The following KCNN2 variants were observed in gnomAD, a reference collection of about 807,000 sequenced individuals.
KCNN2 encodes the protein potassium calcium-activated channel subfamily N member 2, also known as small conductance calcium-activated potassium channel protein 2.
A neutral mutation model predicts 55.5 loss-of-function variants in KCNN2; 24 were observed. The ratio of observed to expected loss-of-function variants is 0.43; its 90% CI spans 0.31 to 0.61. The LOEUF (loss-of-function observed/expected upper bound fraction) is 0.61, where lower values mean the gene tolerates loss of function less well. Ranked by LOEUF, KCNN2 falls within the 20% of genes least tolerant of loss-of-function variation. KCNN2 has a pLI of 0.08. For synonymous variants in KCNN2, 431 were observed against 336.1 expected (o/e 1.28, Z -3.09); for missense variants, 754 against 853.6 (o/e 0.88, Z 1.45).
intron 2 of KCNN2, among the ~76,000 whole-genome samples, chr5:114,252,427 A>C (rs1467821177): frequency 6.6e-6 from 1 of 152,138 alleles, no homozygotes; most frequent in Admixed American, 6.5e-5. Flanking sequence ...GGGAGAGGGA[A>C]TACCTACCAC....
At chr5:114,146,166 G>A (rs1752394416) in intron 1 of KCNN2, among the ~76,000 whole-genome samples, 1 of 152,084 alleles carries the variant, frequency 6.6e-6, no homozygotes, top group African/African-American at 2.4e-5. Flanking sequence ...TTTATTGTCA[G>A]ATGGTTACCA....
At chr5:114,339,581 T>C (rs990228521) in intron 2 of KCNN2, among the ~76,000 whole-genome samples, 3 of 152,114 alleles carry the variant, frequency 2.0e-5, no homozygotes, top group Non-Finnish European at 4.4e-5. Context: ...GGTGGGCGGA[T>C]TGCTTTAGCT....
chr5:114,243,714 T>C (rs1207247188), intron 2 of KCNN2, among the ~76,000 whole-genome samples: 1 of 152,230 alleles, frequency 6.6e-6, no homozygotes, highest in Non-Finnish European at 1.5e-5. Context: ...CATAGGTATG[T>C]ATAGGAAAAA....
At chr5:114,312,474 T>C (rs1756424551) in intron 2 of KCNN2, among the ~76,000 whole-genome samples, 2 of 115,220 alleles carry the variant, frequency 1.7e-5, no homozygotes, top group South Asian at 2.9e-4. Context: ...TATATATATA[T>C]ATGGATCCAG....
chr5:114,063,669 C>G lies in KCNN2; in HGVS notation c.-271+7169C>G, dbSNP rs117367500. 1.6e-4 allele frequency among the ~76,000 whole-genome samples: 24 copies of G among 152,258 alleles called. No individual in the cohort carries two copies. The East Asian group carries it at 4.6e-3, about 29-fold the overall frequency. On this transcript the variant is annotated intron_variant, in intron 1 of 10. Coordinates refer to the KCNN2 transcript ENST00000512097. The stretch of plus-strand genomic sequence containing the variant: ...AAAATTCATCAGAACATGACTAGTC[C>G]ACCAGAGGGAGATAAGGCAATGCTA...
chr5:114,403,112 A>G (rs892760429), intron 2 of KCNN2, among the ~76,000 whole-genome samples: 5 of 152,168 alleles, frequency 3.3e-5, no homozygotes, highest in African/African-American at 1.2e-4. Flanking sequence ...AATACCTTGG[A>G]AAGTATTTAT....
intron 2 of KCNN2, among the ~76,000 whole-genome samples, chr5:114,276,259 A>T (rs1016281688): frequency 2.6e-4 from 40 of 152,062 alleles, no homozygotes; most frequent in Admixed American, 1.8e-3. Context: ...ATATGTGGTC[A>T]ATTTTAGAAT....
chr5:114,238,822 C>T (rs568421971), intron 2 of KCNN2, among the ~76,000 whole-genome samples: 4 of 152,282 alleles, frequency 2.6e-5, no homozygotes, highest in African/African-American at 9.6e-5. Context: ...GCCCTTTTCT[C>T]ATGAAGCATG....
chr5:114,305,761 C>A (rs562156087), intron 2 of KCNN2, among the ~76,000 whole-genome samples: 98 of 152,146 alleles, frequency 6.4e-4, no homozygotes, highest in Non-Finnish European at 1.3e-3. Context: ...GGAAGAGAAA[C>A]CCCTTTCTCC....
intron 5 of KCNN2, among the ~76,000 whole-genome samples, chr5:114,474,539 C>T (rs751644885): frequency 1.6e-4 from 24 of 152,112 alleles, no homozygotes; most frequent in Admixed American, 2.6e-4. Flanking sequence ...CAATGAGGAG[C>T]TGAATAAAGG....
At chr5:114,102,994 G>T (rs1278647186) in intron 1 of KCNN2, among the ~76,000 whole-genome samples, 6 of 152,114 alleles carry the variant, frequency 3.9e-5, no homozygotes, top group Non-Finnish European at 7.4e-5. Flanking sequence ...GTAGCTTGAT[G>T]GGAATAGCAT....
At chr5:114,288,497 TATAC>T (rs60289121) in intron 2 of KCNN2, among the ~76,000 whole-genome samples, 2,108 of 128,824 alleles carry the variant, frequency 0.016, 58 homozygotes, top group African/African-American at 0.065. Context: ...TATATATATA[TATAC>T]ACACACACAC....
At chr5:114,284,818 G>T (rs17164242) in intron 2 of KCNN2, among the ~76,000 whole-genome samples, 1 of 151,774 alleles carries the variant, frequency 6.6e-6, no homozygotes, top group Non-Finnish European at 1.5e-5. Flanking sequence ...GCGCCTAGCC[G>T]ATCATCTCCA....
intron 1 of KCNN2, among the ~76,000 whole-genome samples, chr5:114,193,496 G>C (rs1239713348): frequency 6.6e-6 from 1 of 152,098 alleles, no homozygotes; most frequent in African/African-American, 2.4e-5. Context: ...AACATAACAA[G>C]GCAATCCTTT....
At chr5:114,270,223 C>G (rs1314024248) in intron 2 of KCNN2, among the ~76,000 whole-genome samples, 1 of 152,144 alleles carries the variant, frequency 6.6e-6, no homozygotes, top group Non-Finnish European at 1.5e-5. Context: ...CTTTTACTCT[C>G]TAATAAGTTC....
intron 2 of KCNN2, among the ~76,000 whole-genome samples, chr5:114,385,515 GCGCGCACACACACACA>G (rs1424825688): frequency 1.5e-5 from 1 of 65,398 alleles, no homozygotes; most frequent in African/African-American, 6.9e-5. Flanking sequence ...ATACACACAT[GCGCGCACACACACACA>G]CACACACACA....
rs1196354188 is a variant in KCNN2 at position 114,362,659 on chromosome 5, G to C, written c.520G>C (p.Gly174Arg). 17 of 1,371,634 alleles carry C rather than the reference G, an allele frequency of 1.2e-5. No individual in the cohort carries two copies. Among genetic ancestry groups the C allele is most frequent in the Non-Finnish European group, 1.5e-5 (16 of 1,044,636 alleles). The allele number at this position is 1,371,634 out of a possible 1,614,324, so 85.0% of individuals were successfully genotyped here. A position where few individuals can be genotyped will look rare whatever the true frequency, so the allele number is the denominator to read the frequency against. ...CGCCGCCAGCCCCACGGGCAGCCTC[G>C]GCAGTCTGGGCTCCGGGCCCCCGCT... Reference protein sequence around the residue: ...QPAASPTGSLGSLGSGPPLSH... With the variant: ...QPAASPTGSLRSLGSGPPLSH... Residue 174 changes from glycine (G) to arginine (R), a missense_variant, in exon 1 of 8, where the codon GGC (glycine) becomes CGC (arginine). This residue lies in a region of KCNN2 where 381 missense variants were observed against 259.1 expected (regional missense o/e 1.47). Coordinates refer to ENST00000673685, the MANE Select transcript of KCNN2 (RefSeq NM_021614.4).
chr5:114,338,683 A>C (rs2150035726), intron 2 of KCNN2, among the ~76,000 whole-genome samples: 2 of 152,324 alleles, frequency 1.3e-5, no homozygotes, highest in East Asian at 1.9e-4. Flanking sequence ...GGTAAAGAAT[A>C]GCACTGCAAT....
At chr5:114,176,592 T>C (rs759262655) in intron 1 of KCNN2, among the ~76,000 whole-genome samples, 1 of 152,204 alleles carries the variant, frequency 6.6e-6, no homozygotes, top group African/African-American at 2.4e-5. Context: ...AGGAATGCTA[T>C]TATCATTATT....
Sources: allele counts gnomAD v4.1 joint callset (sites outside exome capture counted in the v4.1 genomes callset), GRCh38; gene constraint gnomAD v4.1.1; regional missense constraint gnomAD v4.1.1; transcripts MANE v1.5; gene names NCBI Gene and HGNC (gene_info 2026-07-23, HGNC 2026-07-21).